The following IGSF10 variants were observed in gnomAD, a reference collection of about 807,000 sequenced individuals.
IGSF10 encodes the protein calvaria mechanical force protein 608.
IGSF10 carries 126 observed loss-of-function variants against 128.2 expected under a neutral mutation model. The ratio of observed to expected loss-of-function variants is 0.98; its 90% CI spans 0.85 to 1.14. IGSF10 has a LOEUF of 1.14. IGSF10 is among the 50% of genes most tolerant of loss of function. The pLI, the probability that IGSF10 is intolerant of heterozygous loss-of-function variation, is 0.00. For missense variants in IGSF10, 3,295 were observed against 3,149.8 expected (o/e 1.05, Z -1.10); for synonymous variants, 1,185 against 1,146.2 (o/e 1.03, Z -0.68).
At chr3:151,576,256 A>G in the IGSF10 span, among the ~76,000 whole-genome samples, 1 of 152,144 alleles carries the variant, frequency 6.6e-6, no homozygotes, top group East Asian at 1.9e-4. Flanking sequence ...AGACTTTAGC[A>G]TTACAAAATA....
chr3:151,605,510 G>A, the IGSF10 span, among the ~76,000 whole-genome samples: 1 of 152,148 alleles, frequency 6.6e-6, no homozygotes, highest in Non-Finnish European at 1.5e-5. Flanking sequence ...TTCTTCTTCA[G>A]TACTGGGGAT....
the IGSF10 span, among the ~76,000 whole-genome samples, chr3:151,514,660 C>G: frequency 6.6e-6 from 1 of 152,024 alleles, no homozygotes; most frequent in Non-Finnish European, 1.5e-5. Context: ...CAAAAGAAAC[C>G]ACCGTCAGAG....
At chr3:151,617,648 A>G in the IGSF10 span, among the ~76,000 whole-genome samples, 2 of 152,002 alleles carry the variant, frequency 1.3e-5, no homozygotes, top group African/African-American at 4.8e-5. Flanking sequence ...GTGAGGGTAG[A>G]ATGAATCTAC....
the IGSF10 span, among the ~76,000 whole-genome samples, chr3:151,512,712 G>T: frequency 2.0e-5 from 3 of 152,162 alleles, no homozygotes; most frequent in Non-Finnish European, 4.4e-5. Flanking sequence ...TTGATAGACT[G>T]CTAGCAAGAC....
At chr3:151,614,159 A>T in the IGSF10 span, among the ~76,000 whole-genome samples, 2 of 152,354 alleles carry the variant, frequency 1.3e-5, no homozygotes. Context: ...ATCACTAAAA[A>T]GTCAGGAAAC....
chr3:151,458,177 C>T (rs931288779), intron 3 of IGSF10, among the ~76,000 whole-genome samples: 38 of 151,964 alleles, frequency 2.5e-4, no homozygotes, highest in African/African-American at 9.2e-4. Context: ...TCCAGTTACC[C>T]TGTCATCTCT....
At chr3:151,465,456 G>A (rs906119688), upstream of IGSF10, among the ~76,000 whole-genome samples, 4 of 152,236 alleles carry the variant, frequency 2.6e-5, no homozygotes, top group African/African-American at 9.6e-5. Flanking sequence ...TGTATCAAAA[G>A]CCATTGGTTG....
the IGSF10 span, among the ~76,000 whole-genome samples, chr3:151,560,143 C>T: frequency 2.0e-5 from 3 of 152,058 alleles, no homozygotes; most frequent in Non-Finnish European, 4.4e-5. Context: ...CTTTGAGAAA[C>T]TGTGGACACA....
chr3:151,434,695 C>A (rs1445024114), downstream of IGSF10: 1 of 152,178 alleles, frequency 6.6e-6, no homozygotes, highest in African/African-American at 2.4e-5. Context: ...GTGAGTGAGT[C>A]ATGTTCCATC....
At chr3:151,452,901 AAAGG>A (rs1229972693) in intron 5 of IGSF10, among the ~76,000 whole-genome samples, 2 of 151,880 alleles carry the variant, frequency 1.3e-5, no homozygotes, top group African/African-American at 4.8e-5. Flanking sequence ...GCAGAAAAGG[AAAGG>A]AAGGGCTCCA....
chr3:151,474,145 G>A, the IGSF10 span, among the ~76,000 whole-genome samples: 1 of 152,112 alleles, frequency 6.6e-6, no homozygotes, highest in Non-Finnish European at 1.5e-5. Context: ...TTCAAAACAA[G>A]CACTTAATGG....
chr3:151,605,169 T>C, the IGSF10 span, among the ~76,000 whole-genome samples: 1 of 152,152 alleles, frequency 6.6e-6, no homozygotes, highest in Admixed American at 6.5e-5. Context: ...TTGACCTCAG[T>C]TGGGAATGTA....
the IGSF10 span, among the ~76,000 whole-genome samples, chr3:151,613,993 A>G: frequency 7.5e-3 from 1,144 of 152,238 alleles, 14 homozygotes; most frequent in South Asian, 7.9e-3. Context: ...AAACAACCCC[A>G]TCAAAAAGTG....
At chr3:151,505,250 G>T in the IGSF10 span, among the ~76,000 whole-genome samples, 1 of 152,124 alleles carries the variant, frequency 6.6e-6, no homozygotes, top group African/African-American at 2.4e-5. Flanking sequence ...TGGTGGAAAA[G>T]GAAGCAAACA....
At chr3:151,588,393 C>T in the IGSF10 span, among the ~76,000 whole-genome samples, 1 of 152,182 alleles carries the variant, frequency 6.6e-6, no homozygotes, top group African/African-American at 2.4e-5. Flanking sequence ...AGCTGATTGT[C>T]TGCCATAACT....
chr3:151,466,386 C>T, the IGSF10 span, among the ~76,000 whole-genome samples: 23 of 152,046 alleles, frequency 1.5e-4, no homozygotes, highest in African/African-American at 5.3e-4. Flanking sequence ...TAGACTGCAC[C>T]GAGTCTAAGA....
At chr3:151,483,438 C>A in the IGSF10 span, among the ~76,000 whole-genome samples, 1 of 151,840 alleles carries the variant, frequency 6.6e-6, no homozygotes, top group East Asian at 1.9e-4. Flanking sequence ...GATATACAAA[C>A]AAGAAAGAAA....
At chr3:151,581,850 C>T in the IGSF10 span, among the ~76,000 whole-genome samples, 5 of 152,056 alleles carry the variant, frequency 3.3e-5, no homozygotes, top group Admixed American at 1.3e-4. Flanking sequence ...GTGGGCGGAT[C>T]GCTTGAGGCC....
Position 151,447,077 on chromosome 3 carries a change from G to T in IGSF10, c.2904C>A (p.His968Gln). The T allele has an allele frequency of 1.2e-6, 2 of 1,614,218 alleles. No individual in the cohort carries two copies. Among genetic ancestry groups the T allele is most frequent in the Non-Finnish European group, 1.7e-6 (2 of 1,180,026 alleles). The change falls in exon 6 of 8, where the codon CAC becomes CAA. Residue 968 changes from histidine to glutamine, a missense_variant. Physicochemically the swap from His to Gln is conservative, Grantham distance 24. Coordinates refer to ENST00000282466, the MANE Select transcript of IGSF10 (RefSeq NM_178822.5). ...VREVSEPRHN[H>Q]FYSHTTQILS... ...GTATTTGAGTAGTGTGAGAATAGAA[G>T]TGATTGTGCCTGGGTTCACTCACTT...
Sources: allele counts gnomAD v4.1 joint callset (sites outside exome capture counted in the v4.1 genomes callset), GRCh38; gene constraint gnomAD v4.1.1; transcripts MANE v1.5; gene names NCBI Gene and HGNC (gene_info 2026-07-23, HGNC 2026-07-21).